INTS7: variants seen among roughly 807,000 people sequenced by gnomAD.
INTS7 encodes the protein chromosome 1 open reading frame 73.
INTS7 carries 46 observed loss-of-function variants against 109.2 expected under a neutral mutation model. The ratio of observed to expected loss-of-function variants is 0.42; its 90% CI spans 0.33 to 0.54. The LOEUF (loss-of-function observed/expected upper bound fraction) is 0.54, where lower values mean the gene tolerates loss of function less well. Ranked by LOEUF, INTS7 falls within the 20% of genes least tolerant of loss-of-function variation. The pLI, the probability that INTS7 is intolerant of heterozygous loss-of-function variation, is 0.07. For missense variants in INTS7, 929 were observed against 1,132.4 expected (o/e 0.82, Z 2.58); for synonymous variants, 412 against 402.9 (o/e 1.02, Z -0.27).
chr1:211,952,733 C>G, intron 16 of INTS7, 32 bp from the exon 17 acceptor site: 1 of 1,590,820 alleles, frequency 6.3e-7, no homozygotes, highest in Non-Finnish European at 8.6e-7. Flanking sequence ...ATTAATCCAT[C>G]AAAATAGCAT....
rs141582319 is a variant in INTS7, at chr1:211,994,784, TA to T, written c.880-6782del. On this transcript the variant is annotated intron_variant, in intron 7 of 19. Transcript: ENST00000366994. Reference sequence around the variant, plus strand: ...ACATTAAAAAAAAAGTATGTTCAATTAAAAAAAAAACAAAACAAAACACAAA... The same window carrying T: ...ACATTAAAAAAAAAGTATGTTCAATTAAAAAAAAACAAAACAAAACACAAA... Among the ~76,000 whole-genome samples the T allele has an allele frequency of 5.9e-3, 827 of 140,824 alleles. 4 individuals are homozygous for T. Among genetic ancestry groups the T allele is most frequent in the African/African-American group, 0.02 (774 of 38,182 alleles). 92.4% of individuals were successfully genotyped at this position (140,824 alleles called of 152,430 possible).
chr1:211,974,267 GAAA>G (rs67430806), intron 13 of INTS7, among the ~76,000 whole-genome samples: 7 of 107,054 alleles, frequency 6.5e-5, no homozygotes, highest in East Asian at 2.5e-4. Flanking sequence ...TCTCTTCCCA[GAAA>G]AAAAAAATAT....
intron 8 of INTS7, among the ~76,000 whole-genome samples, chr1:211,983,230 T>C (rs1418032570): frequency 6.6e-6 from 1 of 152,108 alleles, no homozygotes; most frequent in Non-Finnish European, 1.5e-5. Context: ...CATCTCAGAT[T>C]GCTGACACAC....
chr1:211,985,632 A>T (rs886271715), intron 8 of INTS7, among the ~76,000 whole-genome samples: 2 of 152,226 alleles, frequency 1.3e-5, no homozygotes, highest in South Asian at 2.1e-4. Context: ...TGTGCATGTA[A>T]GTCAGTTTGG....
chr1:211,980,528 C>T (rs2993537), intron 10 of INTS7, among the ~76,000 whole-genome samples: 6,971 of 152,138 alleles, frequency 0.046, 222 homozygotes, highest in African/African-American at 0.084. Flanking sequence ...CTCAACCTCT[C>T]GGCCTCAAGC....
At chr1:212,024,143 T>C (rs1329416615) in intron 1 of INTS7, among the ~76,000 whole-genome samples, 1 of 152,230 alleles carries the variant, frequency 6.6e-6, no homozygotes, top group African/African-American at 2.4e-5. Context: ...GGTAATGTGA[T>C]GCCTTCAGTT....
chr1:211,951,924 A>G (rs1053415502), intron 17 of INTS7, among the ~76,000 whole-genome samples: 6 of 152,130 alleles, frequency 3.9e-5, no homozygotes, highest in Non-Finnish European at 7.3e-5. Flanking sequence ...TCAGGGGAGA[A>G]GATAAAAAAA....
At chr1:212,017,199 A>T (rs949434059) in intron 3 of INTS7, among the ~76,000 whole-genome samples, 176 bp from the exon 4 acceptor site, 2 of 152,254 alleles carry the variant, frequency 1.3e-5, no homozygotes, top group African/African-American at 4.8e-5. Flanking sequence ...ACGCTTTTAC[A>T]TATTTCAATA....
intron 4 of INTS7, among the ~76,000 whole-genome samples, chr1:212,014,813 G>A (rs1473326511): frequency 5.9e-5 from 9 of 152,178 alleles, no homozygotes; most frequent in Admixed American, 2.0e-4. Context: ...CCGAGGTGCC[G>A]GGATTGCAGA....
rs1663062747 is a variant in INTS7 at position 211,951,086 on chromosome 1, G to A, written c.2316+1483C>T. Among the ~76,000 whole-genome samples the A allele has an allele frequency of 3.9e-5, 6 of 152,136 alleles. No individual in the cohort carries two copies. The South Asian group carries it at 1.2e-3, about 31-fold the overall frequency. On this transcript the variant is annotated intron_variant, in intron 17 of 19. Coordinates refer to ENST00000366994, the MANE Select transcript of INTS7 (RefSeq NM_015434.4). ...TTTAGATCTAACCTAACTCTTTAAT[G>A]ACATCCTATTTATTCTAAAACACTT...
At chr1:212,018,514 A>AC (rs397726203) in intron 3 of INTS7, among the ~76,000 whole-genome samples, 29 of 151,680 alleles carry the variant, frequency 1.9e-4, no homozygotes, top group African/African-American at 7.0e-4. Context: ...AAAAAAAAAA[A>AC]ACCATGTTTG....
chr1:211,990,617 A>G (rs1043109850), intron 7 of INTS7, among the ~76,000 whole-genome samples: 1 of 152,218 alleles, frequency 6.6e-6, no homozygotes, highest in Admixed American at 6.5e-5. Context: ...AGCAGCAAAA[A>G]TTATCATGAA....
chr1:212,004,075 T>A (rs1665795332), intron 7 of INTS7, among the ~76,000 whole-genome samples: 1 of 152,250 alleles, frequency 6.6e-6, no homozygotes, highest in Non-Finnish European at 1.5e-5. Flanking sequence ...CCAGGCACGG[T>A]GGCTCACACC....
chr1:211,976,963 A>T (rs1409032766), intron 11 of INTS7, among the ~76,000 whole-genome samples: 1 of 152,224 alleles, frequency 6.6e-6, no homozygotes, highest in Admixed American at 6.5e-5. Context: ...ATATAACATA[A>T]TCAAACAATG....
intron 18 of INTS7, among the ~76,000 whole-genome samples, chr1:211,945,463 T>A (rs1662808156): frequency 6.6e-6 from 1 of 152,188 alleles, no homozygotes. Context: ...TCACCTCTCA[T>A]TAGTTTTTCT....
chr1:212,030,489 A>G (rs771360233), intron 1 of INTS7, among the ~76,000 whole-genome samples: 10 of 152,048 alleles, frequency 6.6e-5, no homozygotes, highest in Non-Finnish European at 1.3e-4. Context: ...GGATTTCACC[A>G]TCTTGGGCAG....
chr1:211,964,249 A>C (rs1175123987), intron 16 of INTS7, among the ~76,000 whole-genome samples: 1 of 152,206 alleles, frequency 6.6e-6, no homozygotes, highest in Non-Finnish European at 1.5e-5. Context: ...ACTGTCACAA[A>C]AAGAATAAAA....
intron 7 of INTS7, among the ~76,000 whole-genome samples, chr1:212,000,877 A>G (rs889000211): frequency 1.3e-5 from 2 of 152,134 alleles, no homozygotes; most frequent in Admixed American, 1.3e-4. Flanking sequence ...GAGAAAGCCT[A>G]TCTACTTCTA....
chr1:211,959,498 C>T lies in INTS7; in HGVS notation c.2184-6797G>A, dbSNP rs1663517462. ...ACATGGGCCGGCTCACCTGCTCCCT[C>T]CCCGTACTGGCAGCTTTCCCTGGGC... On this transcript the variant is annotated intron_variant, in intron 16 of 19. Coordinates refer to ENST00000366994, the MANE Select transcript of INTS7 (RefSeq NM_015434.4). This position sits in a 1 kb window ranked among gnomAD's most constrained non-coding sequence, Gnocchi z 4.2. Among the ~76,000 whole-genome samples the T allele has an allele frequency of 6.6e-6, 1 of 152,152 alleles. No individual in the cohort carries two copies. The highest frequency in any genetic ancestry group is 6.5e-5 in the Admixed American group (1 of 15,286).
Sources: gnomAD v4.1 joint callset for allele counts (sites outside exome capture counted in the v4.1 genomes callset) on GRCh38, gnomAD v4.1.1 for gene constraint, Gnocchi (gnomAD v3.1) non-coding constraint, MANE v1.5 for transcripts, NCBI Gene and HGNC (gene_info 2026-07-23, HGNC 2026-07-21) for gene names.